The following SOBP variants were observed in gnomAD, a reference collection of about 807,000 sequenced individuals.
The protein encoded by SOBP is sine oculis-binding protein homolog.
A neutral mutation model predicts 53.6 loss-of-function variants in SOBP; 4 were observed. The ratio of observed to expected loss-of-function variants is 0.07; its 90% CI spans 0.04 to 0.17. SOBP has a LOEUF of 0.17. Among genes scored for constraint, SOBP ranks in the 10% least tolerant of loss-of-function variants. The probability of loss-of-function intolerance (pLI) is 1.00; values close to 1 mark genes in which losing one functional copy is unlikely to be tolerated. For synonymous variants in SOBP, 584 were observed against 522.6 expected, an observed-to-expected ratio of 1.12 and a Z score of -1.60; for missense variants, 1,088 against 1,204.7, an observed-to-expected ratio of 0.90 and a Z score of 1.43.
intron 5 of SOBP, among the ~76,000 whole-genome samples, chr6:107,613,317 A>G (rs1351933676): frequency 6.6e-6 from 1 of 152,252 alleles, no homozygotes; most frequent in Non-Finnish European, 1.5e-5. Flanking sequence ...CCCAGGAGAA[A>G]AATGCCTTTC....
chr6:107,602,097 T>C (rs1786200235), intron 5 of SOBP, among the ~76,000 whole-genome samples: 1 of 152,208 alleles, frequency 6.6e-6, no homozygotes, highest in African/African-American at 2.4e-5. Context: ...TCTCTCTCCT[T>C]CTCTTTTTTT....
At chr6:107,575,728 A>G (rs1220836432) in intron 4 of SOBP, among the ~76,000 whole-genome samples, 1 of 152,148 alleles carries the variant, frequency 6.6e-6, no homozygotes, top group African/African-American at 2.4e-5. Context: ...ATGTAATAAT[A>G]ATAATAATAA....
chr6:107,493,231 G>A (rs192014632), intron 1 of SOBP, among the ~76,000 whole-genome samples: 19 of 151,184 alleles, frequency 1.3e-4, no homozygotes, highest in African/African-American at 4.6e-4. Context: ...TATCGGTGCC[G>A]CTGGAGCTGC....
chr6:107,635,165 A>G lies in SOBP; in HGVS notation c.2321A>G (p.Asn774Ser), dbSNP rs1770972201. 2.5e-6 allele frequency: 4 copies of G among 1,613,642 alleles called. No homozygotes were observed. The highest frequency in any genetic ancestry group is 3.4e-6 in the Non-Finnish European group (4 of 1,179,900). ...AVSELESVKE[N>S]NCASNCHLDG... ...AGCGAGCTAGAGTCGGTCAAGGAGA[A>G]TAACTGTGCTTCCAACTGCCACCTG... Residue 774 changes from asparagine to serine, a missense_variant, in exon 6 of 7, where the codon AAT becomes AGT. Coordinates refer to ENST00000317357, the MANE Select transcript of SOBP (RefSeq NM_018013.4). This position sits in a 1 kb window ranked among gnomAD's most constrained non-coding sequence, Gnocchi z 4.5.
At chr6:107,561,031 TG>T (rs971138208) in intron 4 of SOBP, among the ~76,000 whole-genome samples, 3 of 152,198 alleles carry the variant, frequency 2.0e-5, no homozygotes, top group African/African-American at 7.2e-5. Flanking sequence ...GGTCTGTCTC[TG>T]GGGGTACCTG....
Position 107,634,737 on chromosome 6 carries a change from G to A in SOBP, c.1893G>A (p.Pro631=), listed in dbSNP as rs1177814024. The A allele has an allele frequency of 1.5e-6, 2 of 1,339,018 alleles. No individual in the cohort carries two copies. Among genetic ancestry groups the A allele is most frequent in the Non-Finnish European group, 9.5e-7 (1 of 1,053,368 alleles). The allele number at this position is 1,339,018 out of a possible 1,614,324, so 82.9% of individuals were successfully genotyped here. A position where few individuals can be genotyped will look rare whatever the true frequency, so the allele number is the denominator to read the frequency against. Residue 631 remains proline, a synonymous_variant, in exon 6 of 7, where the codon CCG becomes CCA. Transcript: ENST00000317357. This position sits in a 1 kb window ranked among gnomAD's most constrained non-coding sequence, Gnocchi z 4.5. ...TGACGCGGCGCGCCGGCAGCCCCCC[G>A]GGCCCCCCGGGCGCGGGCGGCCAGC... ...VDLTRRAGSP[P]GPPGAGGQLG... is the part of the protein sequence containing the mutation.
chr6:107,657,603 G>A (rs1212039914), intron 6 of SOBP, among the ~76,000 whole-genome samples: 1 of 152,196 alleles, frequency 6.6e-6, no homozygotes, highest in East Asian at 1.9e-4. Context: ...CTGAGACATG[G>A]GGTTACAGGA....
chr6:107,632,508 CAA>C (rs776647045), intron 5 of SOBP, among the ~76,000 whole-genome samples: 1 of 152,292 alleles, frequency 6.6e-6, no homozygotes, highest in Admixed American at 6.5e-5. Flanking sequence ...TTTGTGCAAA[CAA>C]GAGTCATATT....
In SOBP at chr6:107,495,833, A is replaced by G. The variant is rs568940450; in HGVS notation, c.96+5121A>G. On this transcript the variant is annotated intron_variant, in intron 1 of 6. Coordinates refer to ENST00000317357, the MANE Select transcript of SOBP (RefSeq NM_018013.4). ...TTTTATTTACTGACTCTTTATACTT[A>G]ACAAAATTATTACAAGTAGTAGAAG... 2.0e-5 allele frequency among the ~76,000 whole-genome samples: 3 copies of G among 152,234 alleles called. No homozygotes were observed. The South Asian group carries it at 6.2e-4, about 32-fold the overall frequency.
intron 5 of SOBP, among the ~76,000 whole-genome samples, chr6:107,591,224 A>G (rs1249471745): frequency 6.6e-6 from 1 of 152,192 alleles, no homozygotes; most frequent in Non-Finnish European, 1.5e-5. Context: ...GTAAAATGTG[A>G]TAATAAAAGG....
chr6:107,569,283 C>T (rs1021889246), intron 4 of SOBP, among the ~76,000 whole-genome samples: 3 of 152,190 alleles, frequency 2.0e-5, no homozygotes, highest in Non-Finnish European at 4.4e-5. Context: ...ACAATTTCAT[C>T]ACTATCCCCT....
At chr6:107,583,529 C>CT (rs1562631992) in intron 4 of SOBP, among the ~76,000 whole-genome samples, 1 of 152,144 alleles carries the variant, frequency 6.6e-6, no homozygotes, top group South Asian at 2.1e-4. Context: ...TCTCTTAAAT[C>CT]TTTTTTCTTT....
At chr6:107,548,507 G>T (rs1308280907) in intron 4 of SOBP, among the ~76,000 whole-genome samples, 1 of 152,052 alleles carries the variant, frequency 6.6e-6, no homozygotes, top group Non-Finnish European at 1.5e-5. Context: ...CTCCCAAAGT[G>T]CTGGGATTAC....
At chr6:107,515,551 C>A (rs901296550) in intron 3 of SOBP, among the ~76,000 whole-genome samples, 1 of 152,090 alleles carries the variant, frequency 6.6e-6, no homozygotes, top group Non-Finnish European at 1.5e-5. Context: ...GAGTTTGAGA[C>A]CGGCCTGGGC....
At chr6:107,564,984 A>G (rs1185552660) in intron 4 of SOBP, among the ~76,000 whole-genome samples, 1 of 152,260 alleles carries the variant, frequency 6.6e-6, no homozygotes, top group African/African-American at 2.4e-5. Context: ...GCAGCAGATC[A>G]AAATAAAGAG....
intron 5 of SOBP, among the ~76,000 whole-genome samples, chr6:107,614,899 GAA>G (rs927542860): frequency 6.6e-6 from 1 of 152,182 alleles, no homozygotes; most frequent in African/African-American, 2.4e-5. Flanking sequence ...GTAAATTTCT[GAA>G]ATATTTAGAG....
At chr6:107,610,784 G>T (rs900864324) in intron 5 of SOBP, among the ~76,000 whole-genome samples, 2 of 141,138 alleles carry the variant, frequency 1.4e-5, no homozygotes, top group African/African-American at 2.8e-5. Context: ...GTGTGCGCAC[G>T]TGTGTGCACA....
intron 5 of SOBP, among the ~76,000 whole-genome samples, chr6:107,607,433 G>A (rs765618220): frequency 3.3e-5 from 5 of 152,126 alleles, no homozygotes; most frequent in South Asian, 2.1e-4. Context: ...CTGGCCCCTC[G>A]TGCTTTGCTG....
At chr6:107,598,440 G>A (rs1303282401) in intron 5 of SOBP, among the ~76,000 whole-genome samples, 1 of 152,128 alleles carries the variant, frequency 6.6e-6, no homozygotes, top group Non-Finnish European at 1.5e-5. Flanking sequence ...GAGAAGATGT[G>A]GAATGATGAT....
Sources: gnomAD v4.1 joint callset for allele counts (sites outside exome capture counted in the v4.1 genomes callset) on GRCh38, gnomAD v4.1.1 for gene constraint, Gnocchi (gnomAD v3.1) non-coding constraint, MANE v1.5 for transcripts, NCBI Gene and HGNC (gene_info 2026-07-23, HGNC 2026-07-21) for gene names.